The following MOB1B variants were observed in gnomAD, a reference collection of about 807,000 sequenced individuals.
MOB1B encodes the protein MOB1 Mps One Binder homolog B.
MOB1B carries 19 observed loss-of-function variants against 24.4 expected under a neutral mutation model. The ratio of observed to expected loss-of-function variants is 0.78; its 90% CI spans 0.54 to 1.14. The LOEUF (loss-of-function observed/expected upper bound fraction) is 1.14. Among genes scored for constraint, MOB1B ranks in the 50% most tolerant of loss-of-function variants. The probability of loss-of-function intolerance (pLI) is 0.00; values close to 1 mark genes in which losing one functional copy is unlikely to be tolerated. For synonymous variants in MOB1B, 76 were observed against 82.1 expected (o/e 0.93, Z 0.40); for missense variants, 243 against 259.6 (o/e 0.94, Z 0.44).
chr4:70,912,041 C>T (rs996910016), intron 1 of MOB1B, among the ~76,000 whole-genome samples: 2 of 150,914 alleles, frequency 1.3e-5, no homozygotes, highest in African/African-American at 2.4e-5. Flanking sequence ...GGACTACAGT[C>T]GCCTACCACC....
intron 3 of MOB1B, among the ~76,000 whole-genome samples, chr4:70,970,314 A>G (rs188583596): frequency 3.9e-5 from 6 of 152,220 alleles, no homozygotes; most frequent in Non-Finnish European, 7.4e-5. Context: ...CTTCTCTTGG[A>G]CATTTTTCTT....
intron 3 of MOB1B, among the ~76,000 whole-genome samples, 183 bp from the exon 4 acceptor site, chr4:70,974,970 C>G (rs1738917256): frequency 6.6e-6 from 1 of 152,140 alleles, no homozygotes; most frequent in Non-Finnish European, 1.5e-5. Context: ...TTGGGATCTA[C>G]TTAGTTTGGA....
At chr4:70,935,894 C>T (rs1737064689) in intron 1 of MOB1B, among the ~76,000 whole-genome samples, 1 of 148,596 alleles carries the variant, frequency 6.7e-6, no homozygotes, top group South Asian at 2.1e-4. Flanking sequence ...CTCTGTTGCC[C>T]AGGCTGGAGT....
At chr4:70,903,252 G>A (rs1735592447) in intron 1 of MOB1B, among the ~76,000 whole-genome samples, 1 of 152,202 alleles carries the variant, frequency 6.6e-6, no homozygotes. Flanking sequence ...ATAGGTTTTG[G>A]ATAGTGTGCC....
Position 70,918,801 on chromosome 4 carries a change from C to CT in MOB1B, c.14+16253dup, listed in dbSNP as rs557322442. Among the ~76,000 whole-genome samples the CT allele has an allele frequency of 2.8e-4, 43 of 152,246 alleles. 1 individual carries two copies. In the East Asian group the frequency reaches 7.9e-3, roughly 28 times the overall value. On this transcript the variant is annotated intron_variant, in intron 1 of 5. Transcript: ENST00000309395. ...TCCTGAATGGTAATGCCTAGGTTTT[C>CT]TTCTAGGGTTTTTATACCCAAAGGA...
chr4:70,944,657 C>T (rs1031138320), intron 1 of MOB1B, among the ~76,000 whole-genome samples: 1 of 152,116 alleles, frequency 6.6e-6, no homozygotes, highest in Non-Finnish European at 1.5e-5. Flanking sequence ...GCATCAGCTT[C>T]TGGGGAGGCC....
chr4:70,917,537 A>T (rs986391760), intron 1 of MOB1B, among the ~76,000 whole-genome samples: 3 of 152,202 alleles, frequency 2.0e-5, no homozygotes, highest in African/African-American at 4.8e-5. Context: ...CAGTTGTGAG[A>T]TTATGAACCC....
intron 2 of MOB1B, among the ~76,000 whole-genome samples, chr4:70,961,786 A>T (rs1250871587): frequency 1.3e-5 from 2 of 152,248 alleles, no homozygotes; most frequent in African/African-American, 4.8e-5. Flanking sequence ...AGATACTTCC[A>T]GTCACTGGCA....
chr4:70,954,943 AC>A (rs1376126520), intron 1 of MOB1B, among the ~76,000 whole-genome samples: 8 of 150,630 alleles, frequency 5.3e-5, no homozygotes, highest in Non-Finnish European at 7.4e-5. Flanking sequence ...ACGCCATGAC[AC>A]CCAGCTAATT....
chr4:70,916,377 A>AGG (rs1736195496), intron 1 of MOB1B, among the ~76,000 whole-genome samples: 3 of 152,250 alleles, frequency 2.0e-5, no homozygotes, highest in Non-Finnish European at 4.4e-5. Context: ...GCTGCATGCA[A>AGG]GCATTTAAAA....
chr4:70,975,973 C>T, intron 4 of MOB1B: 1 of 333,340 alleles, frequency 3.0e-6, no homozygotes. Flanking sequence ...GATCTTGGCT[C>T]ACTGCAGCCT....
chr4:70,918,644 T>C (rs1287379185), intron 1 of MOB1B, among the ~76,000 whole-genome samples: 5 of 152,116 alleles, frequency 3.3e-5, no homozygotes, highest in Non-Finnish European at 5.9e-5. Flanking sequence ...GTAGGTTGCC[T>C]GTTCACTCTG....
In MOB1B at chr4:70,982,969, TG is replaced by T. The variant is rs1739264039; in HGVS notation, c.*914del. On this transcript the variant is annotated 3_prime_UTR_variant, in exon 6 of 6. Transcript: ENST00000309395. ...AGGAATGTATATTTGGCTGGGGGCA[TG>T]GAGATGTTCGTATGTATGAGGAGTT... The T allele has an allele frequency of 6.6e-6, 1 of 152,346 alleles. No homozygotes were observed. Among genetic ancestry groups the T allele is most frequent in the South Asian group, 2.1e-4 (1 of 4,826 alleles). 9.4% of individuals were successfully genotyped at this position (152,346 alleles called of 1,614,324 possible).
chr4:70,944,430 A>C (rs1737485836), intron 1 of MOB1B, among the ~76,000 whole-genome samples: 1 of 152,108 alleles, frequency 6.6e-6, no homozygotes, highest in African/African-American at 2.4e-5. Context: ...ATGACTGATC[A>C]AATTGTGTTT....
At chr4:70,965,423 A>G (rs1042563284) in intron 2 of MOB1B, among the ~76,000 whole-genome samples, 3 of 150,112 alleles carry the variant, frequency 2.0e-5, no homozygotes, top group African/African-American at 7.3e-5. Context: ...AATATTAATT[A>G]TTTAATAATA....
intron 1 of MOB1B, among the ~76,000 whole-genome samples, chr4:70,923,090 C>A (rs1282656919): frequency 6.6e-6 from 1 of 152,144 alleles, no homozygotes; most frequent in African/African-American, 2.4e-5. Context: ...ATTAATCAGG[C>A]CCCCTGCTTA....
intron 1 of MOB1B, among the ~76,000 whole-genome samples, chr4:70,924,116 A>G (rs1736559322): frequency 6.6e-6 from 1 of 152,188 alleles, no homozygotes; most frequent in Non-Finnish European, 1.5e-5. Context: ...GATGAGCAAC[A>G]GCATAACCCT....
intron 4 of MOB1B, chr4:70,976,602 G>C: frequency 7.1e-6 from 7 of 983,982 alleles, no homozygotes; most frequent in Non-Finnish European, 8.4e-6. Flanking sequence ...TGTAATGTTA[G>C]AACTTTTTGA....
rs1277209849 is a variant in MOB1B, at chr4:70,982,232, G to T, written c.*175G>T. The T allele has an allele frequency of 7.9e-6, 4 of 504,688 alleles. No homozygotes were observed. Among genetic ancestry groups the T allele is most frequent in the Non-Finnish European group, 1.4e-5 (4 of 284,330 alleles). 31.3% of individuals were successfully genotyped at this position (504,688 alleles called of 1,614,324 possible). Reference sequence around the variant, plus strand: ...TGTGAAACCATATTCTATTGCTAGGGGAAGCCAAGAACCATTCTCTATACA... The same window carrying T: ...TGTGAAACCATATTCTATTGCTAGGTGAAGCCAAGAACCATTCTCTATACA... On this transcript the variant is annotated 3_prime_UTR_variant, in exon 6 of 6. Coordinates refer to ENST00000309395, the MANE Select transcript of MOB1B (RefSeq NM_173468.4).
Sources: gnomAD v4.1 joint callset for allele counts (sites outside exome capture counted in the v4.1 genomes callset) on GRCh38, gnomAD v4.1.1 for gene constraint, MANE v1.5 for transcripts, NCBI Gene and HGNC (gene_info 2026-07-23, HGNC 2026-07-21) for gene names.